The following TBC1D16 variants were observed in gnomAD, a reference collection of about 807,000 sequenced individuals.
TBC1D16 encodes CTD-2529O21.1.
Under a neutral mutation model 74.7 loss-of-function variants are expected in TBC1D16, and 58 were observed. The ratio of observed to expected loss-of-function variants is 0.78; its 90% CI spans 0.63 to 0.97. The LOEUF (loss-of-function observed/expected upper bound fraction) is 0.97, where lower values mean the gene tolerates loss of function less well. Among genes scored for constraint, TBC1D16 ranks in the 50% least tolerant of loss-of-function variants. TBC1D16 has a pLI of 0.00. For missense variants in TBC1D16, 1,014 were observed against 1,079.5 expected, an observed-to-expected ratio of 0.94 and a Z score of 0.85; for synonymous variants, 493 against 474.7, an observed-to-expected ratio of 1.04 and a Z score of -0.50.
intron 3 of TBC1D16, among the ~76,000 whole-genome samples, chr17:80,006,505 G>A (rs2035684072): frequency 6.6e-6 from 1 of 152,124 alleles, no homozygotes; most frequent in African/African-American, 2.4e-5. Context: ...AGGCCCCGGG[G>A]GATGGGGATG....
At chr17:80,031,873 C>T (rs1401693883) in intron 1 of TBC1D16, among the ~76,000 whole-genome samples, 1 of 152,140 alleles carries the variant, frequency 6.6e-6, no homozygotes, top group East Asian at 1.9e-4. Context: ...ACATGGAGGC[C>T]TAAAGCTTCT....
intron 1 of TBC1D16, among the ~76,000 whole-genome samples, chr17:80,023,657 G>GCCCC (rs200450567): frequency 1.7e-4 from 25 of 144,268 alleles, no homozygotes; most frequent in African/African-American, 4.0e-4. Flanking sequence ...CTGCTGCCGG[G>GCCCC]CCCCCCCCCA....
At chr17:79,967,898 T>C (rs1279175734) in intron 3 of TBC1D16, among the ~76,000 whole-genome samples, 2 of 152,210 alleles carry the variant, frequency 1.3e-5, no homozygotes, top group African/African-American at 4.8e-5. Flanking sequence ...TATTGATCAA[T>C]GGAATAGAAT....
rs1323495783 is a variant in TBC1D16, at chr17:80,010,015, C to T, written c.779+145G>A. 2 of 698,136 alleles carry T rather than the reference C, an allele frequency of 2.9e-6. No individual in the cohort carries two copies. The highest frequency in any genetic ancestry group is 3.0e-5 in the Admixed American group (1 of 33,614). 43.2% of individuals were successfully genotyped at this position (698,136 alleles called of 1,614,324 possible). Reference sequence around the variant, plus strand: ...CCCTTGCCTCAGGGAGGGGCTCCTGCCACAGCCACGGCCACAGCCGCGGGC... The same window carrying T: ...CCCTTGCCTCAGGGAGGGGCTCCTGTCACAGCCACGGCCACAGCCGCGGGC... On this transcript the variant is annotated intron_variant, in intron 3 of 11. Transcript: ENST00000310924. This position sits in a 1 kb window ranked among gnomAD's most constrained non-coding sequence, Gnocchi z 8.8.
At chr17:80,025,121 A>G (rs117641581) in intron 1 of TBC1D16, among the ~76,000 whole-genome samples, 17,770 of 95,254 alleles carry the variant, frequency 0.19, 8,287 homozygotes, top group South Asian at 0.21. Context: ...AACACCACAG[A>G]CACACACACA....
intron 3 of TBC1D16, among the ~76,000 whole-genome samples, chr17:79,958,312 C>T (rs1003074445): frequency 6.6e-6 from 1 of 151,654 alleles, no homozygotes; most frequent in Non-Finnish European, 1.5e-5. Flanking sequence ...CTCCACCTCC[C>T]GGGTTCAAGC....
intron 5 of TBC1D16, among the ~76,000 whole-genome samples, chr17:79,951,034 G>A (rs1483821105): frequency 6.6e-6 from 1 of 152,166 alleles, no homozygotes; most frequent in Non-Finnish European, 1.5e-5. Flanking sequence ...AAAATCAAAG[G>A]TTGTTCAATG....
chr17:80,030,348 A>G (rs1447931194), intron 1 of TBC1D16, among the ~76,000 whole-genome samples: 2 of 152,066 alleles, frequency 1.3e-5, no homozygotes, highest in East Asian at 3.9e-4. Context: ...CCTAGAACCC[A>G]GGAGAGGAGC....
chr17:79,943,806 T>C (rs2032260030), intron 10 of TBC1D16: 1 of 1,306,142 alleles, frequency 7.7e-7, no homozygotes, highest in East Asian at 3.4e-5. Flanking sequence ...CGCGCTGAGT[T>C]CACGGGTAAC....
Position 79,986,338 on chromosome 17 carries a change from A to G in TBC1D16, c.779+23822T>C, listed in dbSNP as rs1568613195. On this transcript the variant is annotated intron_variant, in intron 3 of 11. Transcript: ENST00000310924. The surrounding 1 kb of genome is among the most constrained non-coding windows in gnomAD (Gnocchi z 6.0). ...ACGTTCGCTTCATAAACGCAAGGTGATCTCTGAGCACCTCTTAGACAGAAG... is the reference window on the plus strand; with the variant it reads ...ACGTTCGCTTCATAAACGCAAGGTGGTCTCTGAGCACCTCTTAGACAGAAG... Among the ~76,000 whole-genome samples the G allele has an allele frequency of 6.6e-6, 1 of 152,184 alleles. No homozygotes were observed. Among genetic ancestry groups the G allele is most frequent in the Non-Finnish European group, 1.5e-5 (1 of 68,030 alleles).
Position 80,020,187 on chromosome 17 carries a change from C to T in TBC1D16, c.-62-6578G>A, listed in dbSNP as rs982940745. On this transcript the variant is annotated intron_variant, in intron 1 of 11. Coordinates refer to ENST00000310924, the MANE Select transcript of TBC1D16 (RefSeq NM_019020.4). ...CGACACCTTGATCTTAGACTTCCTG[C>T]CTCCAGGGCTGTCAGAGAGATTTCT... is the stretch of plus-strand genomic sequence containing the variant. Among the ~76,000 whole-genome samples the T allele has an allele frequency of 1.3e-5, 2 of 149,804 alleles. 1 individual carries two copies. The highest frequency in any genetic ancestry group is 5.1e-5 in the African/African-American group (2 of 39,192).
At position 79,979,412 on chromosome 17, in the gene TBC1D16, G is replaced by A. The variant is rs1203859233; in HGVS notation, c.780-26594C>T. Among the ~76,000 whole-genome samples the A allele has an allele frequency of 6.6e-6, 1 of 152,194 alleles. No homozygotes were observed. The highest frequency in any genetic ancestry group is 2.1e-4 in the South Asian group (1 of 4,834). On this transcript the variant is annotated intron_variant, in intron 3 of 11. Coordinates refer to ENST00000310924, the MANE Select transcript of TBC1D16 (RefSeq NM_019020.4). The surrounding 1 kb of genome is among the most constrained non-coding windows in gnomAD (Gnocchi z 4.8). ...GCCGCCAATCACGTGGCCCTCTCGA[G>A]GTGAAGCTGCGACACTGTGTGGAAA...
chr17:79,943,707 C>T (rs1310592362), intron 10 of TBC1D16: 15 of 655,774 alleles, frequency 2.3e-5, no homozygotes, highest in South Asian at 1.4e-4. Context: ...TCCCACGTCA[C>T]GTGGGCCTCC....
At chr17:80,006,658 TTC>T (rs2035690190) in intron 3 of TBC1D16, among the ~76,000 whole-genome samples, 1 of 151,332 alleles carries the variant, frequency 6.6e-6, no homozygotes, top group South Asian at 2.1e-4. Context: ...TTCTTTTTCT[TTC>T]TTTCTTTTTT....
chr17:79,963,585 G>T (rs1006724327), intron 3 of TBC1D16, among the ~76,000 whole-genome samples: 1 of 152,004 alleles, frequency 6.6e-6, no homozygotes, highest in Non-Finnish European at 1.5e-5. Flanking sequence ...AATTCTTTTG[G>T]GTATATACCC....
intron 8 of TBC1D16, 58 bp from the exon 9 acceptor site, chr17:79,947,889 C>T: frequency 6.8e-7 from 1 of 1,471,808 alleles, no homozygotes; most frequent in South Asian, 1.2e-5. Context: ...GCACACTGCC[C>T]AGCCTGCAGA....
rs532881733 is a variant in TBC1D16, at chr17:79,934,414, G to A, written c.*6445C>T. On this transcript the variant is annotated 3_prime_UTR_variant, in exon 12 of 12. Transcript: ENST00000310924. ...TGCCCAGTCCCGTTGCCTTGGAGGCGGTGACATCAGGGGCCCCTGAGCCAC... is the reference window on the plus strand; with the variant it reads ...TGCCCAGTCCCGTTGCCTTGGAGGCAGTGACATCAGGGGCCCCTGAGCCAC... The A allele has an allele frequency of 9.8e-4, 150 of 152,492 alleles. No individual in the cohort carries two copies. Among genetic ancestry groups the A allele is most frequent in the Non-Finnish European group, 2.9e-4 (20 of 68,184 alleles). 9.4% of individuals were successfully genotyped at this position (152,492 alleles called of 1,614,324 possible).
chr17:79,950,934 C>T lies in TBC1D16; in HGVS notation c.1090-356G>A. 7.9e-7 allele frequency: 1 copy of T among 1,273,650 alleles called. No homozygotes were observed. The highest frequency in any genetic ancestry group is 1.1e-6 in the Non-Finnish European group (1 of 950,586). 78.9% of individuals were successfully genotyped at this position (1,273,650 alleles called of 1,614,324 possible). A position where few individuals can be genotyped will look rare whatever the true frequency, so the allele number is the denominator to read the frequency against. The stretch of plus-strand genomic sequence containing the variant: ...TGTGATTGGCCACATACAAAGGGAT[C>T]GCTGTTCTGCGAGCAGGGAGCCAGC... On this transcript the variant is annotated intron_variant, in intron 5 of 11. Transcript: ENST00000310924. This position sits in a 1 kb window ranked among gnomAD's most constrained non-coding sequence, Gnocchi z 4.6.
Position 79,954,773 on chromosome 17 carries a change from A to G in TBC1D16, c.780-1955T>C, listed in dbSNP as rs1186443314. On this transcript the variant is annotated intron_variant, in intron 3 of 11. Coordinates refer to ENST00000310924, the MANE Select transcript of TBC1D16 (RefSeq NM_019020.4). The surrounding 1 kb of genome is among the most constrained non-coding windows in gnomAD (Gnocchi z 5.5). ...TGCTGCCTGCTGGCCCGGCCCACCCAGTGGGGCCATCAGAGGGTGGTATCC... is the reference window on the plus strand; with the variant it reads ...TGCTGCCTGCTGGCCCGGCCCACCCGGTGGGGCCATCAGAGGGTGGTATCC... 1.3e-5 allele frequency among the ~76,000 whole-genome samples: 2 copies of G among 152,074 alleles called. No individual in the cohort carries two copies. Among genetic ancestry groups the G allele is most frequent in the Non-Finnish European group, 2.9e-5 (2 of 67,962 alleles).
Sources: gnomAD v4.1 joint callset for allele counts (sites outside exome capture counted in the v4.1 genomes callset) on GRCh38, gnomAD v4.1.1 for gene constraint, Gnocchi (gnomAD v3.1) non-coding constraint, MANE v1.5 for transcripts, NCBI Gene and HGNC (gene_info 2026-07-23, HGNC 2026-07-21) for gene names.